The following TGFB2 variants were observed in gnomAD, a reference collection of about 807,000 sequenced individuals.
TGFB2 encodes transforming growth factor beta 2, also known as transforming growth factor beta-2 proprotein.
A neutral mutation model predicts 42.7 loss-of-function variants in TGFB2; 13 were observed. The ratio of observed to expected loss-of-function variants is 0.30; its 90% CI spans 0.20 to 0.48. The LOEUF is 0.48. TGFB2 is among the 20% of genes least tolerant of loss of function. TGFB2 has a pLI of 0.99. For missense variants in TGFB2, 390 were observed against 517.5 expected (o/e 0.75, Z 2.39); for synonymous variants, 193 against 193.6 (o/e 1.00, Z 0.03).
chr1:218,437,647 A>G (rs1374391438), intron 6 of TGFB2, 151 bp downstream of exon 6: 1 of 837,128 alleles, frequency 1.2e-6, no homozygotes, highest in Non-Finnish European at 1.7e-6. Flanking sequence ...GGTTGGTGCA[A>G]AAGTATTCGC....
At chr1:218,378,732 A>G (rs1001947905) in intron 1 of TGFB2, among the ~76,000 whole-genome samples, 1 of 151,196 alleles carries the variant, frequency 6.6e-6, no homozygotes, top group African/African-American at 2.4e-5. Context: ...TCAACCTCCT[A>G]GAGCGCTGGG....
At chr1:218,377,525 C>A (rs1217033446) in intron 1 of TGFB2, among the ~76,000 whole-genome samples, 2 of 152,196 alleles carry the variant, frequency 1.3e-5, no homozygotes, top group African/African-American at 2.4e-5. Flanking sequence ...CCCTCCCCAC[C>A]AGCTCCACCC....
At chr1:218,430,622 T>C (rs1659777033) in intron 2 of TGFB2, among the ~76,000 whole-genome samples, 2 of 152,278 alleles carry the variant, frequency 1.3e-5, no homozygotes, top group Non-Finnish European at 1.5e-5. Flanking sequence ...TGCCTTCTTC[T>C]CTTACAGTTC....
In TGFB2 at chr1:218,346,989, A is replaced by G. The variant is rs1470671281; in HGVS notation, c.288A>G (p.Glu96=). ...CCTGCGAGCGCGAGAGGAGCGACGA[A>G]GAGTACTACGCCAAGGAGGTTTACA... is the stretch of plus-strand genomic sequence containing the variant. ...AAACERERSD[E]EYYAKEVYKI... is the part of the protein sequence containing the mutation. Residue 96 remains glutamate, a synonymous_variant, in exon 1 of 7, where the codon GAA becomes GAG. Transcript: ENST00000366930. The surrounding 1 kb of genome is among the most constrained non-coding windows in gnomAD (Gnocchi z 4.9). 5 of 1,612,768 alleles carry G rather than the reference A, an allele frequency of 3.1e-6. No homozygotes were observed. The highest frequency in any genetic ancestry group is 4.2e-6 in the Non-Finnish European group (5 of 1,179,442).
intron 1 of TGFB2, among the ~76,000 whole-genome samples, chr1:218,349,515 G>C: frequency 6.6e-6 from 1 of 152,274 alleles, no homozygotes; most frequent in African/African-American, 2.4e-5. Flanking sequence ...TGAATCTGGC[G>C]AGGGTCATAA....
intron 1 of TGFB2, among the ~76,000 whole-genome samples, chr1:218,374,748 C>T (rs1657685581): frequency 6.6e-6 from 1 of 152,172 alleles, no homozygotes; most frequent in Non-Finnish European, 1.5e-5. Context: ...AGATGAGAAG[C>T]CCAACTTGGA....
intron 1 of TGFB2, among the ~76,000 whole-genome samples, chr1:218,347,470 T>G (rs1656726283): frequency 6.6e-6 from 1 of 152,024 alleles, no homozygotes; most frequent in Non-Finnish European, 1.5e-5. Context: ...CACGAAGGGT[T>G]AAAAAAAGTG....
At chr1:218,423,252 A>G (rs1197854217) in intron 2 of TGFB2, among the ~76,000 whole-genome samples, 3 of 152,204 alleles carry the variant, frequency 2.0e-5, no homozygotes, top group Non-Finnish European at 2.9e-5. Context: ...AAACCAAAAT[A>G]TAAGGGTTTG....
intron 1 of TGFB2, among the ~76,000 whole-genome samples, chr1:218,384,267 T>C (rs4335431): frequency 0.078 from 11,938 of 152,270 alleles, 499 homozygotes; most frequent in East Asian, 0.12. Context: ...TAGCTATGTA[T>C]GTAGGAATGG....
intron 2 of TGFB2, among the ~76,000 whole-genome samples, chr1:218,433,748 A>G (rs112941078): frequency 5.3e-5 from 8 of 152,234 alleles, no homozygotes; most frequent in African/African-American, 1.9e-4. Flanking sequence ...CAAGAAAACC[A>G]TTAACTTAAT....
chr1:218,441,516 T>C lies in TGFB2; in HGVS notation c.*154T>C. The C allele has an allele frequency of 3.1e-6, 2 of 639,990 alleles. No homozygotes were observed. The highest frequency in any genetic ancestry group is 4.8e-6 in the Non-Finnish European group (2 of 418,074). 39.6% of individuals were successfully genotyped at this position (639,990 alleles called of 1,614,324 possible). ...AAAGGCGGTACTAGTTCAGACACTT[T>C]GGAAGTTTGTGTTCTGTTTGTTAAA... On this transcript the variant is annotated 3_prime_UTR_variant, in exon 7 of 7. Coordinates refer to ENST00000366930, the MANE Select transcript of TGFB2 (RefSeq NM_003238.6).
At chr1:218,398,776 C>G (rs560349114) in intron 1 of TGFB2, among the ~76,000 whole-genome samples, 2 of 151,914 alleles carry the variant, frequency 1.3e-5, no homozygotes, top group Admixed American at 6.6e-5. Flanking sequence ...TTAGTAGAGA[C>G]GGGGTTTCAC....
chr1:218,348,080 AAAAGAAAG>A (rs10671658), intron 1 of TGFB2, among the ~76,000 whole-genome samples: 3 of 151,938 alleles, frequency 2.0e-5, no homozygotes, highest in Non-Finnish European at 2.9e-5. Flanking sequence ...AAAAAGAAAA[AAAAGAAAG>A]AAAGAAAGAA....
At chr1:218,399,572 G>C (rs1265756615) in intron 1 of TGFB2, among the ~76,000 whole-genome samples, 1 of 152,124 alleles carries the variant, frequency 6.6e-6, no homozygotes, top group Admixed American at 6.5e-5. Flanking sequence ...TGGAAAGTTA[G>C]GATTTCTCTT....
At chr1:218,390,121 A>G (rs1658271737) in intron 1 of TGFB2, among the ~76,000 whole-genome samples, 2 of 152,358 alleles carry the variant, frequency 1.3e-5, no homozygotes, top group South Asian at 4.1e-4. Flanking sequence ...AGGACTTAGT[A>G]AATGCTTTTC....
chr1:218,385,159 C>A (rs1443226677), intron 1 of TGFB2, among the ~76,000 whole-genome samples: 2 of 152,046 alleles, frequency 1.3e-5, no homozygotes, highest in Non-Finnish European at 2.9e-5. Flanking sequence ...GCCTCAGTTT[C>A]CTTATCTGCA....
chr1:218,430,117 G>A (rs1311715963), intron 2 of TGFB2, among the ~76,000 whole-genome samples: 2 of 152,064 alleles, frequency 1.3e-5, no homozygotes, highest in Non-Finnish European at 2.9e-5. Flanking sequence ...GTCATGATAA[G>A]ATACATAAAG....
chr1:218,349,315 T>C (rs1046641729), intron 1 of TGFB2, among the ~76,000 whole-genome samples: 5 of 152,070 alleles, frequency 3.3e-5, no homozygotes, highest in African/African-American at 1.2e-4. Flanking sequence ...TTTTTAGTTA[T>C]ACTGGAATAT....
rs920045639 is a variant in TGFB2 at position 218,444,231 on chromosome 1, G to C, written c.*2869G>C. The C allele has an allele frequency of 6.6e-6, 1 of 152,080 alleles. No individual in the cohort carries two copies. The highest frequency in any genetic ancestry group is 2.4e-5 in the African/African-American group (1 of 41,386). 9.4% of individuals were successfully genotyped at this position (152,080 alleles called of 1,614,324 possible). A position where few individuals can be genotyped will look rare whatever the true frequency, so the allele number is the denominator to read the frequency against. On this transcript the variant is annotated 3_prime_UTR_variant, in exon 7 of 7. Coordinates refer to ENST00000366930, the MANE Select transcript of TGFB2 (RefSeq NM_003238.6). ...TTTATTCCCTTATTTATTGCTATTTGGTAATTGTTTGAGATTTAGTTTCCA... is the reference window on the plus strand; with the variant it reads ...TTTATTCCCTTATTTATTGCTATTTCGTAATTGTTTGAGATTTAGTTTCCA...
Sources: allele counts gnomAD v4.1 joint callset (sites outside exome capture counted in the v4.1 genomes callset), GRCh38; gene constraint gnomAD v4.1.1; non-coding constraint Gnocchi (gnomAD v3.1); transcripts MANE v1.5; gene names NCBI Gene and HGNC (gene_info 2026-07-23, HGNC 2026-07-21).